The following KCNH2 variants were observed in gnomAD, a reference collection of about 807,000 sequenced individuals.
KCNH2 encodes the protein potassium voltage-gated channel subfamily H member 2.
KCNH2 carries 35 observed loss-of-function variants against 95.9 expected under a neutral mutation model. The observed-to-expected ratio is 0.37, with a 90% CI of 0.28 to 0.48. KCNH2 has a LOEUF of 0.48. Among genes scored for constraint, KCNH2 ranks in the 20% least tolerant of loss-of-function variants. KCNH2 has a pLI of 0.99. For missense variants in KCNH2, 1,274 were observed against 1,702.9 expected (o/e 0.75, Z 4.43); for synonymous variants, 786 against 754.7 (o/e 1.04, Z -0.68).
chr7:150,974,628 C>A, intron 2 of KCNH2, 83 bp downstream of exon 2: 13 of 852,406 alleles, frequency 1.5e-5, no homozygotes, highest in Non-Finnish European at 1.8e-5. Context: ...CACCCCCACA[C>A]CCCCACGCAC....
intron 2 of KCNH2, among the ~76,000 whole-genome samples, chr7:150,973,069 G>T (rs903391093): frequency 2.0e-5 from 3 of 152,212 alleles, no homozygotes; most frequent in Admixed American, 2.0e-4. Context: ...AGCAAGGCAC[G>T]TTATCCCAGA....
chr7:150,975,657 G>A (rs192472440), intron 1 of KCNH2, among the ~76,000 whole-genome samples: 1 of 152,354 alleles, frequency 6.6e-6, no homozygotes, highest in East Asian at 1.9e-4. Context: ...TATAGATGAA[G>A]AAACCAAGGC....
chr7:150,964,425 C>A (rs1801648384), intron 2 of KCNH2, among the ~76,000 whole-genome samples: 1 of 152,170 alleles, frequency 6.6e-6, no homozygotes, highest in Non-Finnish European at 1.5e-5. Flanking sequence ...ACAAGCCAGA[C>A]AGGTGGAGGA....
At chr7:150,976,835 A>C (rs1584885058) in intron 1 of KCNH2, among the ~76,000 whole-genome samples, 2 of 117,402 alleles carry the variant, frequency 1.7e-5, no homozygotes, top group East Asian at 2.5e-4. Flanking sequence ...CATTGTCTCC[A>C]CCCCCTCAGG....
chr7:150,976,995 C>G (rs888937535), intron 1 of KCNH2, among the ~76,000 whole-genome samples: 2 of 152,138 alleles, frequency 1.3e-5, no homozygotes, highest in Admixed American at 6.5e-5. Context: ...CCTTGGCAGT[C>G]ACACCCACTG....
chr7:150,954,983 C>T (rs1439891125), intron 5 of KCNH2, among the ~76,000 whole-genome samples: 1 of 152,360 alleles, frequency 6.6e-6, no homozygotes, highest in South Asian at 2.1e-4. Flanking sequence ...GGGTCCAACC[C>T]CAGCACACAG....
intron 4 of KCNH2, 76 bp downstream of exon 4, chr7:150,957,983 G>A (rs908763952): frequency 1.0e-5 from 12 of 1,183,586 alleles, no homozygotes; most frequent in African/African-American, 3.1e-5. Flanking sequence ...GTCAGAAGCC[G>A]AGGGCCCAGA....
At chr7:150,975,453 C>T (rs1337360190) in intron 1 of KCNH2, among the ~76,000 whole-genome samples, 1 of 151,996 alleles carries the variant, frequency 6.6e-6, no homozygotes, top group Admixed American at 6.5e-5. Context: ...AATCACTCCC[C>T]GATTATCTGA....
rs199472874 is a variant in KCNH2, at chr7:150,958,221, G to C, written c.754C>G (p.Arg252Gly). 4.4e-6 allele frequency: 6 copies of C among 1,371,584 alleles called. No individual in the cohort carries two copies. The highest frequency in any genetic ancestry group is 3.3e-5 in the Admixed American group (1 of 30,632). 85.0% of individuals were successfully genotyped at this position (1,371,584 alleles called of 1,614,324 possible). Residue 252 changes from arginine (R) to glycine (G), a missense_variant, in exon 4 of 15, where the codon CGG becomes GGG. By Grantham distance (125) the Arg-to-Gly change is moderately radical. Around this residue, in one of 7 missense-constraint regions of KCNH2, gnomAD observed 392 missense variants for 429.9 expected, o/e 0.91. Coordinates refer to ENST00000262186, the MANE Select transcript of KCNH2 (RefSeq NM_000238.4). ...RSAPGQLPSPRAHSLNPDASG... is the reference protein window; with the variant it reads ...RSAPGQLPSPGAHSLNPDASG... ...GCGTCGGGGTTGAGGCTGTGCGCCC[G>C]GGGCGATGGGAGCTGGCCGGGCGCG...
At chr7:150,955,611 G>C (rs1002180390) in intron 5 of KCNH2, 2 of 1,435,360 alleles carry the variant, frequency 1.4e-6, no homozygotes, top group African/African-American at 2.9e-5. Flanking sequence ...CCCCGAGGCT[G>C]GCCGACTGGC....
chr7:150,949,723 C>G, intron 9 of KCNH2: 4 of 1,183,908 alleles, frequency 3.4e-6, no homozygotes, highest in Non-Finnish European at 3.2e-6. Context: ...CCACTGTGCA[C>G]AGGCAGGGTA....
chr7:150,957,048 C>T (rs975387126), intron 5 of KCNH2, among the ~76,000 whole-genome samples: 5 of 152,178 alleles, frequency 3.3e-5, no homozygotes, highest in South Asian at 2.1e-4. Flanking sequence ...ACCCGACCTC[C>T]GCTCTGCCAT....
intron 2 of KCNH2, among the ~76,000 whole-genome samples, chr7:150,972,975 G>A (rs1313457993): frequency 3.9e-5 from 6 of 152,318 alleles, no homozygotes; most frequent in East Asian, 1.9e-4. Context: ...CAGCTACATC[G>A]TAGTGGGACT....
chr7:150,945,361 C>T lies in KCNH2; in HGVS notation c.*4G>A. 1 of 1,586,636 alleles carries T rather than the reference C, an allele frequency of 6.3e-7. No individual in the cohort carries two copies. The highest frequency in any genetic ancestry group is 8.6e-7 in the Non-Finnish European group (1 of 1,167,850). ...GAGCCACGTGTCCACACTGGGCAGCCCCACTAACTGCCCGGGTCCGAGCCG... is the reference window on the plus strand; with the variant it reads ...GAGCCACGTGTCCACACTGGGCAGCTCCACTAACTGCCCGGGTCCGAGCCG... On this transcript the variant is annotated 3_prime_UTR_variant, in exon 15 of 15. Coordinates refer to ENST00000262186, the MANE Select transcript of KCNH2 (RefSeq NM_000238.4). This position sits in a 1 kb window ranked among gnomAD's most constrained non-coding sequence, Gnocchi z 5.6.
intron 1 of KCNH2, among the ~76,000 whole-genome samples, chr7:150,975,527 G>A (rs1584884116): frequency 6.6e-6 from 1 of 152,332 alleles, no homozygotes; most frequent in Non-Finnish European, 1.5e-5. Flanking sequence ...AGGGCAGTCA[G>A]GAGCTGAGGG....
rs1800954908 is a variant in KCNH2, at chr7:150,947,598, C to CCTGTCA, written c.2965+7_2965+8insTGACAG. On this transcript the variant is annotated splice_region_variant and intron_variant, in intron 12 of 14. Transcript: ENST00000262186. ...GGTCCTCCCTCGCCCGCCCGTCGCC[C>CCTGTCA]GGGATACCTGACAGGGGGTTGCAAG... 3 of 1,612,068 alleles carry CCTGTCA rather than the reference C, an allele frequency of 1.9e-6. No homozygotes were observed. The Admixed American group carries it at 5.0e-5, about 27-fold the overall frequency.
intron 5 of KCNH2, among the ~76,000 whole-genome samples, chr7:150,953,338 C>T (rs1801255669): frequency 6.6e-6 from 1 of 152,162 alleles, no homozygotes; most frequent in Non-Finnish European, 1.5e-5. Flanking sequence ...CTCTTCATGC[C>T]ACAGGCCCGA....
At chr7:150,963,069 G>A (rs1353983443) in intron 2 of KCNH2, among the ~76,000 whole-genome samples, 1 of 152,200 alleles carries the variant, frequency 6.6e-6, no homozygotes, top group Non-Finnish European at 1.5e-5. Context: ...ACTCGCCCTG[G>A]CTCCTGCCAG....
intron 5 of KCNH2, chr7:150,955,893 C>G: frequency 1.0e-6 from 1 of 971,746 alleles, no homozygotes; most frequent in Middle Eastern, 5.0e-4. Flanking sequence ...CGCCGGTGCC[C>G]AGCCAGCGGC....
Sources: allele counts gnomAD v4.1 joint callset (sites outside exome capture counted in the v4.1 genomes callset), GRCh38; gene constraint gnomAD v4.1.1; regional missense constraint gnomAD v4.1.1; non-coding constraint Gnocchi (gnomAD v3.1); transcripts MANE v1.5; gene names NCBI Gene and HGNC (gene_info 2026-07-23, HGNC 2026-07-21).